ZNF91: variants seen among roughly 807,000 people sequenced by gnomAD.
The protein encoded by ZNF91 is zinc finger protein 91, also known as zinc finger protein 91 (HPF7, HTF10).
In ZNF91, 7 loss-of-function variants were observed where a neutral mutation model predicts 12.6. That is an observed-to-expected ratio of 0.55 (90% CI 0.31 to 1.04). ZNF91 has a LOEUF of 1.04. Among genes scored for constraint, ZNF91 ranks in the 50% least tolerant of loss-of-function variants. ZNF91 has a pLI of 0.05. For synonymous variants in ZNF91, 453 were observed against 462.6 expected, an observed-to-expected ratio of 0.98 and a Z score of 0.27; for missense variants, 1,217 against 1,385.4, an observed-to-expected ratio of 0.88 and a Z score of 1.93.
At chr19:23,389,261 T>G (rs1230961988) in intron 1 of ZNF91, among the ~76,000 whole-genome samples, 1 of 152,236 alleles carries the variant, frequency 6.6e-6, no homozygotes, top group African/African-American at 2.4e-5. Context: ...GATTTATTTC[T>G]GGGTCCATGC....
chr19:23,384,876 A>G, intron 1 of ZNF91: 1 of 754,368 alleles, frequency 1.3e-6, no homozygotes, highest in African/African-American at 1.7e-5. Context: ...GAGGGTCCCA[A>G]GCTCTCATGT....
At position 23,362,673 on chromosome 19, in the gene ZNF91, A is replaced by G. The variant is rs771754329; in HGVS notation, c.306T>C (p.Asp102=). 2 of 1,546,988 alleles carry G rather than the reference A, an allele frequency of 1.3e-6. No homozygotes were observed. The highest frequency in any genetic ancestry group is 1.7e-6 in the Non-Finnish European group (2 of 1,153,622). The change falls in exon 4 of 4, where the codon GAT becomes GAC. Residue 102 remains aspartate, a synonymous_variant. Coordinates refer to ENST00000300619, the MANE Select transcript of ZNF91 (RefSeq NM_003430.4). The part of the protein sequence containing the change: ...QDFWPEQSME[D]SFQKVLLRKY... ...TTCTCAGTAATACTTTTTGAAAAGAATCTTCCATGCTCTGCTCTGGCCAAA... is the reference window on the plus strand; with the variant it reads ...TTCTCAGTAATACTTTTTGAAAAGAGTCTTCCATGCTCTGCTCTGGCCAAA...
rs945307268 is a variant in ZNF91 at position 23,359,085 on chromosome 19, G to GA, written c.*317dup. On this transcript the variant is annotated 3_prime_UTR_variant, in exon 4 of 4. Transcript: ENST00000300619. ...TATGTCTGGTTAGGGCTGAGGACCAGAAAAAGGATTTGCCACATTCTTCAC... is the reference window on the plus strand; with the variant it reads ...TATGTCTGGTTAGGGCTGAGGACCAGAAAAAAGGATTTGCCACATTCTTCAC... 1.8e-6 allele frequency: 1 copy of GA among 557,182 alleles called. No individual in the cohort carries two copies. Among genetic ancestry groups the GA allele is most frequent in the South Asian group, 1.5e-5 (1 of 64,858 alleles). 34.5% of individuals were successfully genotyped at this position (557,182 alleles called of 1,614,324 possible). A position where few individuals can be genotyped will look rare whatever the true frequency, so the allele number is the denominator to read the frequency against.
At chr19:23,349,094 T>C (rs1412009388) in intron 3 of ZNF91, among the ~76,000 whole-genome samples, 1 of 152,204 alleles carries the variant, frequency 6.6e-6, no homozygotes. Context: ...AGACAATGTG[T>C]GCCTAGCGGG....
chr19:23,351,794 T>A (rs1483820318), intron 3 of ZNF91, among the ~76,000 whole-genome samples: 2 of 152,146 alleles, frequency 1.3e-5, no homozygotes, highest in Non-Finnish European at 2.9e-5. Flanking sequence ...CCCTAAATAC[T>A]GTGAGTGCCC....
downstream of ZNF91, among the ~76,000 whole-genome samples, chr19:23,354,388 C>G (rs1316022913): frequency 1.1e-4 from 16 of 151,700 alleles, no homozygotes; most frequent in Admixed American, 1.1e-3. Flanking sequence ...TGAATAGATG[C>G]AGAAAAAAAA....
At position 23,359,881 on chromosome 19, in the gene ZNF91, C is replaced by G; in HGVS notation, c.3098G>C (p.Arg1033Pro). ...CTTATGTGTAGTAAGCTTTGAGGATCGATTAAAAGCTTTGCCACATTCTTC... is the reference window on the plus strand; with the variant it reads ...CTTATGTGTAGTAAGCTTTGAGGATGGATTAAAAGCTTTGCCACATTCTTC... ...KCEECGKAFNRSSKLTTHKII... is the reference protein window; with the variant it reads ...KCEECGKAFNPSSKLTTHKII... The change falls in exon 4 of 4, where the codon CGA (arginine) becomes CCA (proline). Residue 1033 changes from arginine (R) to proline (P), a missense_variant. Around this residue, in one of 2 missense-constraint regions of ZNF91, gnomAD observed 491 missense variants for 489.8 expected, o/e 1.00. Coordinates refer to ENST00000300619, the MANE Select transcript of ZNF91 (RefSeq NM_003430.4). 1 of 1,565,626 alleles carries G rather than the reference C, an allele frequency of 6.4e-7. No individual in the cohort carries two copies. Among genetic ancestry groups the G allele is most frequent in the Non-Finnish European group, 8.7e-7 (1 of 1,152,194 alleles).
chr19:23,372,632 C>A (rs778804061), intron 3 of ZNF91, among the ~76,000 whole-genome samples: 7 of 152,220 alleles, frequency 4.6e-5, no homozygotes, highest in Non-Finnish European at 8.8e-5. Context: ...GTAACCATCC[C>A]AAACTCTTCC....
chr19:23,323,722 A>T (rs1967771518), intron 1 of ZNF91, among the ~76,000 whole-genome samples: 1 of 103,082 alleles, frequency 9.7e-6, no homozygotes, highest in African/African-American at 4.4e-5. Context: ...CTTTTCTTCT[A>T]CGCCTTCTCC....
At chr19:23,380,159 T>C (rs976435186) in intron 1 of ZNF91, among the ~76,000 whole-genome samples, 11 of 149,628 alleles carry the variant, frequency 7.4e-5, no homozygotes, top group African/African-American at 2.7e-4. Context: ...CTCAGGAGGC[T>C]GAGGAAGGAG....
chr19:23,355,030 A>T (rs1456833713), downstream of ZNF91, among the ~76,000 whole-genome samples: 2 of 152,192 alleles, frequency 1.3e-5, no homozygotes, highest in African/African-American at 4.8e-5. Context: ...AAATGACCAT[A>T]CTGCCAAAAG....
chr19:23,393,099 T>C (rs1407235756), intron 1 of ZNF91, among the ~76,000 whole-genome samples: 1 of 151,934 alleles, frequency 6.6e-6, no homozygotes, highest in Non-Finnish European at 1.5e-5. Flanking sequence ...ATTTTTTTTC[T>C]AGAAATTTTT....
chr19:23,333,152 T>C (rs1279349794), intron 1 of ZNF91, among the ~76,000 whole-genome samples: 1 of 152,206 alleles, frequency 6.6e-6, no homozygotes, highest in Non-Finnish European at 1.5e-5. Flanking sequence ...TGAGCCCTAT[T>C]CAAGGACCCA....
chr19:23,342,683 A>G (rs928569521), intron 3 of ZNF91, among the ~76,000 whole-genome samples: 1 of 152,210 alleles, frequency 6.6e-6, no homozygotes, highest in African/African-American at 2.4e-5. Context: ...ATTTATGCAG[A>G]GCAAAACCTC....
chr19:23,375,480 T>C (rs957097253), intron 1 of ZNF91, among the ~76,000 whole-genome samples: 1 of 152,178 alleles, frequency 6.6e-6, no homozygotes, highest in South Asian at 2.1e-4. Flanking sequence ...AATTTTAATG[T>C]GTATGATAAA....
At chr19:23,389,170 C>A (rs77077667) in intron 1 of ZNF91, among the ~76,000 whole-genome samples, 3 of 151,694 alleles carry the variant, frequency 2.0e-5, no homozygotes, top group East Asian at 1.9e-4. Flanking sequence ...AAAAAAAAAA[C>A]TCCCTGGGTA....
chr19:23,376,855 T>C (rs1379208806), intron 1 of ZNF91, among the ~76,000 whole-genome samples: 2 of 152,208 alleles, frequency 1.3e-5, no homozygotes, highest in East Asian at 1.9e-4. Context: ...ATTTTTTCTC[T>C]TTCTCCTCCT....
At chr19:23,307,075 G>A (rs176891) in intron 3 of ZNF91, 15,789 of 152,138 alleles carry the variant, frequency 0.1, 1,262 homozygotes, top group East Asian at 0.37. Flanking sequence ...ACAGGCCACC[G>A]TGTCCGGCCA....
At chr19:23,373,619 A>AC (rs1407810788) in intron 3 of ZNF91, 123 bp downstream of exon 3, 11 of 671,628 alleles carry the variant, frequency 1.6e-5, no homozygotes, top group Non-Finnish European at 2.2e-5. Flanking sequence ...TTAAAAAAAA[A>AC]ATTCAGGCTT....
Sources: allele counts gnomAD v4.1 joint callset (sites outside exome capture counted in the v4.1 genomes callset), GRCh38; gene constraint gnomAD v4.1.1; regional missense constraint gnomAD v4.1.1; transcripts MANE v1.5; gene names NCBI Gene and HGNC (gene_info 2026-07-23, HGNC 2026-07-21).